The following USP40 variants were observed in gnomAD, a reference collection of about 807,000 sequenced individuals.
The protein encoded by USP40 is ubiquitin specific peptidase 40.
A neutral mutation model predicts 166.2 loss-of-function variants in USP40; 143 were observed. The observed-to-expected ratio is 0.86, with a 90% CI of 0.75 to 0.99. USP40 has a LOEUF of 0.99. USP40 is among the 50% of genes least tolerant of loss of function. USP40 has a pLI of 0.00. For missense variants in USP40, 1,444 were observed against 1,479.7 expected (o/e 0.98, Z 0.40); for synonymous variants, 498 against 524.0 (o/e 0.95, Z 0.68).
At chr2:233,564,494 A>G (rs1480861292) in intron 2 of USP40, among the ~76,000 whole-genome samples, 1 of 151,278 alleles carries the variant, frequency 6.6e-6, no homozygotes, top group Admixed American at 6.6e-5. Context: ...AGAGAGAAAC[A>G]GGGGCAAGAA....
chr2:233,494,975 TATATACAC>T (rs1559224520), intron 24 of USP40, among the ~76,000 whole-genome samples: 2 of 74,534 alleles, frequency 2.7e-5, no homozygotes, highest in African/African-American at 1.4e-4. Context: ...TATATATATA[TATATACAC>T]ACACATAAAA....
At chr2:233,481,936 A>G (rs2064627937) in intron 30 of USP40, among the ~76,000 whole-genome samples, 1 of 152,238 alleles carries the variant, frequency 6.6e-6, no homozygotes, top group East Asian at 1.9e-4. Context: ...AGTGCGTGTC[A>G]GGAAAGACAC....
rs1451010122 is a variant in USP40, at chr2:233,489,375, G to A, written c.3121C>T (p.Gln1041Ter). The stretch of plus-strand genomic sequence containing the variant: ...CAGCAAGGAACCTACCTGAGTGGCT[G>A]CCGGTCAGTTCGTAAAAGCCTGCCT... The part of the protein sequence containing the change: ...RPGRLLRTDR[Q>*]PLREYKLGRR... The change falls in exon 27 of 32, where the codon CAG (glutamine) becomes TAG (stop). Residue 1041 changes from glutamine to a stop codon, truncating the protein, a stop_gained. Coordinates refer to ENST00000678225, the MANE Select transcript of USP40 (RefSeq NM_001365479.2). LOFTEE classifies it high-confidence loss of function. The A allele has an allele frequency of 1.3e-6, 2 of 1,590,820 alleles. No homozygotes were observed. The highest frequency in any genetic ancestry group is 4.6e-5 in the East Asian group (2 of 43,928).
chr2:233,526,483 A>T (rs1418239810), intron 13 of USP40, among the ~76,000 whole-genome samples: 3 of 152,200 alleles, frequency 2.0e-5, no homozygotes, highest in Non-Finnish European at 4.4e-5. Context: ...TCTAGTATTT[A>T]AAAAACTTCA....
At chr2:233,565,596 T>C in intron 1 of USP40, 23 bp from the exon 2 acceptor site, 1 of 1,510,746 alleles carries the variant, frequency 6.6e-7, no homozygotes, top group Non-Finnish European at 8.8e-7. Flanking sequence ...GACATATAAA[T>C]GCTTTTATTT....
intron 18 of USP40, among the ~76,000 whole-genome samples, chr2:233,517,816 GTGTGTGTGTA>G (rs1039588998): frequency 6.6e-6 from 1 of 151,666 alleles, no homozygotes; most frequent in Non-Finnish European, 1.5e-5. Context: ...GTGTGTGTGT[GTGTGTGTGTA>G]TGATGGAATA....
At chr2:233,543,089 C>A (rs961788804) in intron 8 of USP40, among the ~76,000 whole-genome samples, 1 of 152,132 alleles carries the variant, frequency 6.6e-6, no homozygotes, top group Admixed American at 6.5e-5. Flanking sequence ...CAAGTTTTCA[C>A]CCCATTTTAT....
intron 21 of USP40, among the ~76,000 whole-genome samples, chr2:233,501,502 T>A (rs2125113642): frequency 6.6e-6 from 1 of 152,250 alleles, no homozygotes; most frequent in Non-Finnish European, 1.5e-5. Context: ...AGTGCAAGGC[T>A]ATAAGGAAGG....
intron 12 of USP40, 31 bp downstream of exon 12, chr2:233,529,400 T>C: frequency 2.6e-6 from 4 of 1,523,800 alleles, no homozygotes; most frequent in Non-Finnish European, 3.6e-6. Context: ...TCCGGAATAC[T>C]AGTCAAACTC....
chr2:233,515,083 T>C (rs1337671404), intron 18 of USP40, among the ~76,000 whole-genome samples: 1 of 152,276 alleles, frequency 6.6e-6, no homozygotes, highest in Non-Finnish European at 1.5e-5. Context: ...GTGGTGGAAC[T>C]AGCAGTGCCT....
Position 233,490,882 on chromosome 2 carries a change from A to T in USP40, c.3012+285T>A, listed in dbSNP as rs905584208. 7.9e-6 allele frequency: 4 copies of T among 507,624 alleles called. No homozygotes were observed. In the Admixed American group the frequency reaches 1.2e-4, roughly 16 times the overall value. The allele number at this position is 507,624 out of a possible 1,614,324, so 31.4% of individuals were successfully genotyped here. A position where few individuals can be genotyped will look rare whatever the true frequency, so the allele number is the denominator to read the frequency against. Reference sequence around the variant, plus strand: ...TGCTTTACAAATGTTCCAAGAAACCATGTTTCCCTAAAAAAATAAAAATGA... The same window carrying T: ...TGCTTTACAAATGTTCCAAGAAACCTTGTTTCCCTAAAAAAATAAAAATGA... On this transcript the variant is annotated intron_variant, in intron 26 of 31. Coordinates refer to ENST00000678225, the MANE Select transcript of USP40 (RefSeq NM_001365479.2).
chr2:233,539,792 A>C (rs774568667), intron 10 of USP40, among the ~76,000 whole-genome samples: 1 of 152,178 alleles, frequency 6.6e-6, no homozygotes, highest in Non-Finnish European at 1.5e-5. Context: ...ATAAGAACAG[A>C]TATCAGTGAA....
intron 3 of USP40, chr2:233,560,733 A>G: frequency 2.7e-6 from 1 of 370,630 alleles, no homozygotes; most frequent in Non-Finnish European, 4.9e-6. Context: ...CACAATAACA[A>G]ACAAAATAAT....
chr2:233,562,814 A>G lies in USP40; in HGVS notation c.200-11T>C. 5 of 1,514,990 alleles carry G rather than the reference A, an allele frequency of 3.3e-6. No homozygotes were observed. Among genetic ancestry groups the G allele is most frequent in the East Asian group, 2.5e-5 (1 of 40,306 alleles). The allele number at this position is 1,514,990 out of a possible 1,614,324, so 93.8% of individuals were successfully genotyped here. The stretch of plus-strand genomic sequence containing the variant: ...GAGAAAATAGAGCTTCTAAAGAAAA[A>G]GGTAGAATCAGAGATGCAAATGACA... On this transcript the variant is annotated splice_polypyrimidine_tract_variant and intron_variant, in intron 2 of 31. Coordinates refer to ENST00000678225, the MANE Select transcript of USP40 (RefSeq NM_001365479.2).
At chr2:233,556,740 T>A in intron 5 of USP40, 115 bp downstream of exon 5, 1 of 1,023,804 alleles carries the variant, frequency 9.8e-7, no homozygotes, top group Non-Finnish European at 1.3e-6. Flanking sequence ...AAAAACTCAA[T>A]AAATTACTTT....
At position 233,491,474 on chromosome 2, in the gene USP40, C is replaced by A. The variant is rs1320984164; in HGVS notation, c.2918-213G>T. On this transcript the variant is annotated intron_variant, in intron 25 of 31. Transcript: ENST00000678225. The stretch of plus-strand genomic sequence containing the variant: ...CCAAGAGGTCTGTGACACTTATGCC[C>A]CTACCTTGAATGTACTTTTCCACAT... 5.3e-6 allele frequency: 3 copies of A among 570,964 alleles called. No individual in the cohort carries two copies. In the African/African-American group the frequency reaches 5.7e-5, roughly 11 times the overall value. 35.4% of individuals were successfully genotyped at this position (570,964 alleles called of 1,614,324 possible).
intron 12 of USP40, 138 bp downstream of exon 12, chr2:233,529,293 C>T (rs2068304947): frequency 7.8e-6 from 5 of 637,068 alleles, no homozygotes; most frequent in Non-Finnish European, 1.3e-5. Context: ...TATAAAAATT[C>T]AGCAGCCAAA....
chr2:233,494,956 T>TTATATATTTATA (rs2065628169), intron 24 of USP40, among the ~76,000 whole-genome samples: 1 of 35,504 alleles, frequency 2.8e-5, no homozygotes, highest in African/African-American at 1.1e-4. Flanking sequence ...ATATATATAT[T>TTATATATTTATA]TATATATATA....
At chr2:233,478,063 C>G (rs1440606031) in intron 31 of USP40, among the ~76,000 whole-genome samples, 1 of 152,262 alleles carries the variant, frequency 6.6e-6, no homozygotes, top group Non-Finnish European at 1.5e-5. Flanking sequence ...GCACAGTCCC[C>G]GACAGAAAGC....
Sources: gnomAD v4.1 joint callset for allele counts (sites outside exome capture counted in the v4.1 genomes callset) on GRCh38, gnomAD v4.1.1 for gene constraint, MANE v1.5 for transcripts, NCBI Gene and HGNC (gene_info 2026-07-23, HGNC 2026-07-21) for gene names.